The following GPC6 variants were observed in gnomAD, a reference collection of about 807,000 sequenced individuals.
The protein encoded by GPC6 is glypican-6.
A neutral mutation model predicts 55.2 loss-of-function variants in GPC6; 14 were observed. The ratio of observed to expected loss-of-function variants is 0.25; its 90% CI spans 0.17 to 0.40. GPC6 has a LOEUF of 0.40. GPC6 is among the 10% of genes least tolerant of loss of function. The pLI is 1.00. For missense variants in GPC6, 641 were observed against 708.5 expected (o/e 0.90, Z 1.08); for synonymous variants, 278 against 259.6 (o/e 1.07, Z -0.68).
At chr13:93,364,303 C>T (rs1005832241) in intron 1 of GPC6, among the ~76,000 whole-genome samples, 4 of 152,118 alleles carry the variant, frequency 2.6e-5, no homozygotes, top group South Asian at 2.1e-4. Flanking sequence ...TTAGTCACCA[C>T]GTGTCATAAG....
intron 2 of GPC6, among the ~76,000 whole-genome samples, chr13:93,762,961 T>C (rs16949193): frequency 0.019 from 2,831 of 152,292 alleles, 101 homozygotes; most frequent in African/African-American, 0.064. Flanking sequence ...CTGTGAGTAA[T>C]AGAGTGCACC....
At chr13:93,933,426 A>T (rs1474269212) in intron 3 of GPC6, among the ~76,000 whole-genome samples, 1 of 152,108 alleles carries the variant, frequency 6.6e-6, no homozygotes, top group Non-Finnish European at 1.5e-5. Flanking sequence ...CTCACCCCAG[A>T]ATCCAACTGC....
rs1484396317 is a variant in GPC6, at chr13:93,227,780, G to A, written c.160+164G>A. ...CGTGTTGGGCGGCGGATGCTCCTGCGGCTTCTTCGGCGGGGGAAGGTGTGC... is the reference window on the plus strand; with the variant it reads ...CGTGTTGGGCGGCGGATGCTCCTGCAGCTTCTTCGGCGGGGGAAGGTGTGC... On this transcript the variant is annotated intron_variant, in intron 1 of 8. Transcript: ENST00000377047. This position sits in a 1 kb window ranked among gnomAD's most constrained non-coding sequence, Gnocchi z 4.3. 6.6e-6 allele frequency among the ~76,000 whole-genome samples: 1 copy of A among 152,168 alleles called. No individual in the cohort carries two copies. The highest frequency in any genetic ancestry group is 6.5e-5 in the Admixed American group (1 of 15,288).
intron 2 of GPC6, among the ~76,000 whole-genome samples, chr13:93,647,329 C>A (rs1033173339): frequency 6.6e-6 from 1 of 151,822 alleles, no homozygotes; most frequent in African/African-American, 2.4e-5. Flanking sequence ...TATTATATAC[C>A]TTCTATGTGC....
At chr13:93,914,009 T>C (rs1877151979) in intron 3 of GPC6, among the ~76,000 whole-genome samples, 1 of 152,214 alleles carries the variant, frequency 6.6e-6, no homozygotes, top group Admixed American at 6.5e-5. Context: ...ACACTTAATT[T>C]CACTGTTTTA....
In GPC6 at chr13:93,830,446, C is replaced by G; in HGVS notation, c.612C>G (p.Pro204=). Reference sequence around the variant, plus strand: ...AGCTCAAGCCATTTGGAGACGTGCCCCGGAAACTGAAGATTCAGGTTACCC... The same window carrying G: ...AGCTCAAGCCATTTGGAGACGTGCCGCGGAAACTGAAGATTCAGGTTACCC... ...TDQLKPFGDV[P]RKLKIQVTRA... Residue 204 remains proline, a synonymous_variant, in exon 3 of 9, where the codon CCC becomes CCG. Transcript: ENST00000377047. 1 of 1,613,560 alleles carries G rather than the reference C, an allele frequency of 6.2e-7. No individual in the cohort carries two copies. The highest frequency in any genetic ancestry group is 2.2e-5 in the East Asian group (1 of 44,836).
chr13:93,853,594 A>G (rs1297230512), intron 3 of GPC6, among the ~76,000 whole-genome samples: 2 of 151,574 alleles, frequency 1.3e-5, no homozygotes, highest in African/African-American at 4.8e-5. Context: ...TTAAAATTTT[A>G]CTCTATTTAA....
intron 1 of GPC6, among the ~76,000 whole-genome samples, chr13:93,281,160 C>T (rs1877937126): frequency 2.0e-5 from 3 of 152,226 alleles, no homozygotes; most frequent in African/African-American, 7.2e-5. Flanking sequence ...ATATCTGCCA[C>T]AATAGCACTT....
At chr13:93,724,259 A>G (rs1883550207) in intron 2 of GPC6, among the ~76,000 whole-genome samples, 1 of 151,974 alleles carries the variant, frequency 6.6e-6, no homozygotes, top group Non-Finnish European at 1.5e-5. Flanking sequence ...TTGAAGATGT[A>G]TTGCTTTCAG....
intron 2 of GPC6, among the ~76,000 whole-genome samples, chr13:93,824,629 G>C (rs993989498): frequency 2.0e-5 from 3 of 151,922 alleles, no homozygotes; most frequent in Non-Finnish European, 4.4e-5. Context: ...ATATGCGTAG[G>C]TACACATGAA....
At chr13:94,213,992 G>A (rs1243388281) in intron 4 of GPC6, among the ~76,000 whole-genome samples, 1 of 152,128 alleles carries the variant, frequency 6.6e-6, no homozygotes, top group Non-Finnish European at 1.5e-5. Context: ...CTATTCACAG[G>A]GGTTAGGATG....
intron 5 of GPC6, among the ~76,000 whole-genome samples, chr13:94,288,900 T>TATATATATATTTGTTATATATATAACAA (rs1566638211): frequency 1.5e-5 from 2 of 130,728 alleles, no homozygotes; most frequent in African/African-American, 2.8e-5. Flanking sequence ...ATATAACAAA[T>TATATATATATTTGTTATATATATAACAA]ATATATATAT....
chr13:93,333,399 T>C (rs1440825970), intron 1 of GPC6, among the ~76,000 whole-genome samples: 1 of 152,204 alleles, frequency 6.6e-6, no homozygotes, highest in African/African-American at 2.4e-5. Context: ...GTAATTTTCA[T>C]TGTAGATGTT....
intron 3 of GPC6, among the ~76,000 whole-genome samples, chr13:93,860,790 G>C (rs1426631560): frequency 1.3e-5 from 2 of 151,618 alleles, no homozygotes; most frequent in Non-Finnish European, 3.0e-5. Flanking sequence ...GGCCAAATCT[G>C]TCACAATTAA....
intron 4 of GPC6, among the ~76,000 whole-genome samples, chr13:94,193,768 C>A (rs1476490567): frequency 6.6e-6 from 1 of 152,158 alleles, no homozygotes; most frequent in Non-Finnish European, 1.5e-5. Flanking sequence ...TTCTTTAAAT[C>A]TAGACCCCTT....
chr13:94,309,795 A>C (rs186157196), intron 6 of GPC6, among the ~76,000 whole-genome samples: 361 of 152,342 alleles, frequency 2.4e-3, no homozygotes, highest in South Asian at 7.1e-3. Context: ...AATTCAGTTA[A>C]CAGAGTCATC....
rs1486600842 is a variant in GPC6, at chr13:94,270,989, T to A, written c.878-15360T>A. 7.0e-3 allele frequency among the ~76,000 whole-genome samples: 843 copies of A among 119,734 alleles called. 27 individuals carry two copies. The highest frequency in any genetic ancestry group is 0.026 in the African/African-American group (793 of 30,934). The allele number at this position is 119,734 out of a possible 152,430, so 78.6% of individuals were successfully genotyped here. A position where few individuals can be genotyped will look rare whatever the true frequency, so the allele number is the denominator to read the frequency against. On this transcript the variant is annotated intron_variant, in intron 4 of 8. Coordinates refer to ENST00000377047, the MANE Select transcript of GPC6 (RefSeq NM_005708.5). The stretch of plus-strand genomic sequence containing the variant: ...ATTTTTTTTTTTTTTTTTTTTTTTT[T>A]TTTTTTTTTTTTTTTTCTGAGACGG...
chr13:94,142,035 T>C (rs1887396995), intron 4 of GPC6, among the ~76,000 whole-genome samples: 1 of 152,100 alleles, frequency 6.6e-6, no homozygotes, highest in South Asian at 2.1e-4. Flanking sequence ...CTTTCTGAAA[T>C]CTTATTGAAT....
chr13:94,346,786 A>G (rs900106157), intron 6 of GPC6, among the ~76,000 whole-genome samples: 1 of 151,876 alleles, frequency 6.6e-6, no homozygotes, highest in South Asian at 2.1e-4. Flanking sequence ...GTAGGACACC[A>G]TGGAGACAGG....
Sources: gnomAD v4.1 joint callset for allele counts (sites outside exome capture counted in the v4.1 genomes callset) on GRCh38, gnomAD v4.1.1 for gene constraint, Gnocchi (gnomAD v3.1) non-coding constraint, MANE v1.5 for transcripts, NCBI Gene and HGNC (gene_info 2026-07-23, HGNC 2026-07-21) for gene names.